Variants in CHD9 observed in about 807,000 individuals in gnomAD.
CHD9 encodes the protein chromodomain helicase DNA binding protein 9, also known as ATP-dependent chromatin remodeler CHD9.
In CHD9, 77 loss-of-function variants were observed where a neutral mutation model predicts 316.1. The ratio of observed to expected loss-of-function variants is 0.24; its 90% CI spans 0.20 to 0.29. The LOEUF (loss-of-function observed/expected upper bound fraction) is 0.29, where lower values mean the gene tolerates loss of function less well. Ranked by LOEUF, CHD9 falls within the 10% of genes least tolerant of loss-of-function variation. The probability of loss-of-function intolerance (pLI) is 1.00; values close to 1 mark genes in which losing one functional copy is unlikely to be tolerated. For synonymous variants in CHD9, 1,129 were observed against 1,158.3 expected (o/e 0.97, Z 0.51); for missense variants, 2,763 against 3,438.1 (o/e 0.80, Z 4.91).
chr16:53,129,993 T>C (rs1314483532), intron 1 of CHD9, among the ~76,000 whole-genome samples: 1 of 152,132 alleles, frequency 6.6e-6, no homozygotes. Flanking sequence ...CGCCCCCTGC[T>C]CCTAAACCAG....
intron 24 of CHD9, among the ~76,000 whole-genome samples, chr16:53,274,534 C>T (rs2052600933): frequency 6.6e-6 from 1 of 152,194 alleles, no homozygotes; most frequent in Non-Finnish European, 1.5e-5. Context: ...CAGCTCACTG[C>T]AACCTCCGCC....
chr16:53,281,255 A>G (rs1286988327), intron 24 of CHD9, among the ~76,000 whole-genome samples: 4 of 152,044 alleles, frequency 2.6e-5, no homozygotes, highest in African/African-American at 9.7e-5. Flanking sequence ...GCTTTTCCAA[A>G]TCTCCTGTCT....
chr16:53,272,737 A>G (rs1016519536), intron 22 of CHD9, among the ~76,000 whole-genome samples: 2 of 152,320 alleles, frequency 1.3e-5, no homozygotes, highest in South Asian at 4.1e-4. Flanking sequence ...CTTATCCAAC[A>G]TAGGTAATAA....
At chr16:53,241,208 G>A (rs1247529385) in intron 12 of CHD9, among the ~76,000 whole-genome samples, 1 of 152,018 alleles carries the variant, frequency 6.6e-6, no homozygotes, top group Admixed American at 6.6e-5. Context: ...ATACCCAATA[G>A]CTTATGTTTT....
chr16:53,219,873 A>C (rs1416986153), intron 3 of CHD9, among the ~76,000 whole-genome samples: 1 of 152,228 alleles, frequency 6.6e-6, no homozygotes, highest in Non-Finnish European at 1.5e-5. Flanking sequence ...AAGTCAGCAC[A>C]GAGGCTGACT....
rs768497988 is a variant in CHD9, at chr16:53,249,880, T to C, written c.3675T>C (p.Tyr1225=). 1.9e-6 allele frequency: 3 copies of C among 1,611,318 alleles called. No individual in the cohort carries two copies. The highest frequency in any genetic ancestry group is 2.2e-5 in the East Asian group (1 of 44,828). ...CCATTTCATTCCATAGATACTTATA[T>C]GAGCGAATTGATGGCAGAGTCAGAG... ...EDYLIHKRYL[Y]ERIDGRVRGN... The change falls in exon 17 of 39, where the codon TAT becomes TAC. Residue 1225 remains tyrosine, a synonymous_variant. Transcript: ENST00000447540.
In CHD9 at chr16:53,314,486, C is replaced by CT; in HGVS notation, c.7338dup (p.Asn2447Ter). On this transcript the variant is annotated frameshift_variant, in exon 35 of 39. Coordinates refer to ENST00000447540, the MANE Select transcript of CHD9 (RefSeq NM_001308319.2). LOFTEE classifies it high-confidence loss of function. Reference sequence around the variant, plus strand: ...AGAATGTAGAAGGTGTTGACATCTTCTTTTTTAACAGAAATAAACCACCTA... The same window carrying CT: ...AGAATGTAGAAGGTGTTGACATCTTCTTTTTTTAACAGAAATAAACCACCTA... 6.3e-7 allele frequency: 1 copy of CT among 1,578,926 alleles called. No homozygotes were observed. The highest frequency in any genetic ancestry group is 8.6e-7 in the Non-Finnish European group (1 of 1,161,354).
At chr16:53,293,097 C>A in intron 29 of CHD9, 45 bp downstream of exon 29, 1 of 1,473,050 alleles carries the variant, frequency 6.8e-7, no homozygotes, top group Non-Finnish European at 9.3e-7. Context: ...CTAAATGTAG[C>A]TGTTCATTCT....
At chr16:53,133,074 C>T (rs1385040940) in intron 1 of CHD9, among the ~76,000 whole-genome samples, 1 of 152,040 alleles carries the variant, frequency 6.6e-6, no homozygotes. Context: ...AACTATAGAC[C>T]ATATAATGTA....
chr16:53,082,036 T>A (rs1259245592), intron 1 of CHD9, among the ~76,000 whole-genome samples: 1 of 152,116 alleles, frequency 6.6e-6, no homozygotes. Context: ...GTATGAATGT[T>A]CTTTGTCTCC....
intron 1 of CHD9, among the ~76,000 whole-genome samples, chr16:53,074,857 GC>G (rs2034388863): frequency 6.6e-6 from 1 of 152,216 alleles, no homozygotes; most frequent in South Asian, 2.1e-4. Flanking sequence ...TGAGGTTGGA[GC>G]CCCCACACAG....
At chr16:53,217,912 T>TTTTCTTTCTTTC (rs138448097) in intron 3 of CHD9, among the ~76,000 whole-genome samples, 258 of 144,284 alleles carry the variant, frequency 1.8e-3, no homozygotes, top group Middle Eastern at 6.9e-3. Flanking sequence ...GCTTATACTC[T>TTTTCTTTCTTTC]TTTCTTTCTT....
rs1176250747 is a variant in CHD9 at position 53,288,146 on chromosome 16, G to A, written c.5247+132G>A. 6.0e-6 allele frequency: 4 copies of A among 671,190 alleles called. No homozygotes were observed. In the East Asian group the frequency reaches 8.4e-5, roughly 14 times the overall value. The allele number at this position is 671,190 out of a possible 1,614,324, so 41.6% of individuals were successfully genotyped here. On this transcript the variant is annotated intron_variant, in intron 27 of 38. Transcript: ENST00000447540. ...TCTGTTCCTCAGATTAGCTAAGTAA[G>A]TGATCAACTTGGGTTGACAAACATC...
chr16:53,147,935 G>C (rs2040765755), intron 1 of CHD9, among the ~76,000 whole-genome samples: 1 of 152,076 alleles, frequency 6.6e-6, no homozygotes, highest in Admixed American at 6.5e-5. Flanking sequence ...CAGGCGCGGT[G>C]GCCCATGGCT....
At chr16:53,285,445 T>A in intron 24 of CHD9, 151 bp from the exon 25 acceptor site, 1 of 423,234 alleles carries the variant, frequency 2.4e-6, no homozygotes, top group Non-Finnish European at 4.2e-6. Flanking sequence ...ATTTCGTAAT[T>A]TTAATTGGTG....
intron 1 of CHD9, among the ~76,000 whole-genome samples, chr16:53,129,707 C>T (rs1356739547): frequency 6.6e-6 from 1 of 152,210 alleles, no homozygotes; most frequent in Non-Finnish European, 1.5e-5. Flanking sequence ...CAGTTTTGAA[C>T]AAACATAAAG....
chr16:53,260,205 CTGG>C (rs2050965111), intron 19 of CHD9, among the ~76,000 whole-genome samples: 1 of 152,060 alleles, frequency 6.6e-6, no homozygotes, highest in African/African-American at 2.4e-5. Context: ...AAGGTCAGGA[CTGG>C]TGGCACACGC....
intron 1 of CHD9, among the ~76,000 whole-genome samples, chr16:53,131,516 G>A (rs2039308823): frequency 1.3e-5 from 2 of 150,490 alleles, no homozygotes; most frequent in South Asian, 2.1e-4. Context: ...ATGGCTGCGG[G>A]CTGCTGCCCC....
Position 53,238,469 on chromosome 16 carries a change from T to C in CHD9, c.2760T>C (p.Ile920=). ...PFLIIAPLST[I]ANWEREFRTW... ...TGATTATTGCTCCACTTTCTACTAT[T>C]GCAAACTGGGAGAGAGAATTTCGTA... The change falls in exon 12 of 39, where the codon ATT becomes ATC. Residue 920 remains isoleucine, a synonymous_variant. Coordinates refer to ENST00000447540, the MANE Select transcript of CHD9 (RefSeq NM_001308319.2). 2 of 1,613,484 alleles carry C rather than the reference T, an allele frequency of 1.2e-6. No homozygotes were observed. The highest frequency in any genetic ancestry group is 1.7e-6 in the Non-Finnish European group (2 of 1,179,568).
Sources: allele counts gnomAD v4.1 joint callset (sites outside exome capture counted in the v4.1 genomes callset), GRCh38; gene constraint gnomAD v4.1.1; transcripts MANE v1.5; gene names NCBI Gene and HGNC (gene_info 2026-07-23, HGNC 2026-07-21).